Variants in ARHGAP23 observed in about 807,000 individuals in gnomAD.
The protein encoded by ARHGAP23 is rho GTPase-activating protein 23.
Under a neutral mutation model 136.3 loss-of-function variants are expected in ARHGAP23, and 34 were observed. That is an observed-to-expected ratio of 0.25 (90% CI 0.19 to 0.33). The LOEUF is 0.33. ARHGAP23 is among the 10% of genes least tolerant of loss of function. The pLI is 1.00. For missense variants in ARHGAP23, 1,808 were observed against 2,139.0 expected (o/e 0.85, Z 3.05); for synonymous variants, 832 against 920.5 (o/e 0.90, Z 1.74).
Position 38,467,054 on chromosome 17 carries a change from A to G in ARHGAP23, c.1371A>G (p.Ser457=). 1 of 1,550,880 alleles carries G rather than the reference A, an allele frequency of 6.4e-7. No homozygotes were observed. Among genetic ancestry groups the G allele is most frequent in the Non-Finnish European group, 8.7e-7 (1 of 1,146,950 alleles). ...PTFNLAQSPA[S]FPPEASEPPR... ...TCAACCTGGCCCAGTCCCCTGCGTC[A>G]TTCCCACCAGAGGCCTCCGAGCCAC... Residue 457 remains serine (S), a synonymous_variant, in exon 7 of 24, where the codon TCA becomes TCG. Transcript: ENST00000622683.
chr17:38,443,764 T>C (rs532218701), intron 1 of ARHGAP23, among the ~76,000 whole-genome samples: 2 of 152,250 alleles, frequency 1.3e-5, no homozygotes, highest in Admixed American at 1.3e-4. Context: ...CCCGGGAGAC[T>C]TTCGGAATCT....
chr17:38,507,387 C>T (rs2040658587), intron 23 of ARHGAP23, among the ~76,000 whole-genome samples: 1 of 152,056 alleles, frequency 6.6e-6, no homozygotes, highest in African/African-American at 2.4e-5. Context: ...TGACAGAGAC[C>T]TCCATCATAA....
intron 10 of ARHGAP23, among the ~76,000 whole-genome samples, chr17:38,470,577 C>G (rs2144667858): frequency 6.6e-6 from 1 of 152,356 alleles, no homozygotes; most frequent in East Asian, 1.9e-4. Flanking sequence ...CACTCCATTG[C>G]CCAGTCTGGA....
chr17:38,491,497 G>T lies in ARHGAP23; in HGVS notation c.3241G>T (p.Asp1081Tyr). ...NMTDMVTHMP[D>Y]RYKIVETLIQ... ...GACAGACATGGTGACCCACATGCCT[G>T]ACCGCTACAAGATCGTGGAGACACT... is the stretch of plus-strand genomic sequence containing the variant. The change falls in exon 20 of 24, where the codon GAC becomes TAC. Residue 1081 changes from aspartate (D) to tyrosine (Y), a missense_variant. Asp to Tyr is a radical substitution (Grantham distance 160). Transcript: ENST00000622683. The T allele has an allele frequency of 6.5e-7, 1 of 1,549,576 alleles. No homozygotes were observed. Among genetic ancestry groups the T allele is most frequent in the Non-Finnish European group, 8.7e-7 (1 of 1,146,818 alleles).
At chr17:38,424,838 C>A (rs1366161901), upstream of ARHGAP23, among the ~76,000 whole-genome samples, 1 of 152,168 alleles carries the variant, frequency 6.6e-6, no homozygotes, top group African/African-American at 2.4e-5. Flanking sequence ...ATTTCACAGG[C>A]CTTTGTGAGG....
chr17:38,511,046 G>T lies in ARHGAP23; in HGVS notation c.*74G>T, dbSNP rs2040755100. 1.5e-6 allele frequency: 2 copies of T among 1,343,958 alleles called. No individual in the cohort carries two copies. Among genetic ancestry groups the T allele is most frequent in the Non-Finnish European group, 9.6e-7 (1 of 1,045,232 alleles). The allele number at this position is 1,343,958 out of a possible 1,614,324, so 83.3% of individuals were successfully genotyped here. On this transcript the variant is annotated 3_prime_UTR_variant, in exon 24 of 24. Transcript: ENST00000622683. ...TGGAACCAGGAGGCTTCACCAGCCT[G>T]CACCTCCTCTTCTGTGGCCCCTGGG...
At chr17:38,489,481 C>G (rs372379600) in intron 17 of ARHGAP23, among the ~76,000 whole-genome samples, 1 of 151,730 alleles carries the variant, frequency 6.6e-6, no homozygotes, top group Admixed American at 6.6e-5. Context: ...CCGCTTCCCC[C>G]CTTTCTAGCC....
rs538668316 is a variant in ARHGAP23 at position 38,462,910 on chromosome 17, C to T, written c.318C>T (p.Asp106=). The T allele has an allele frequency of 6.4e-5, 99 of 1,537,252 alleles. No homozygotes were observed. The highest frequency in any genetic ancestry group is 2.5e-4 in the East Asian group (10 of 40,802). The change falls in exon 4 of 24, where the codon GAC becomes GAT. Residue 106 remains aspartate, a synonymous_variant. Coordinates refer to ENST00000622683, the MANE Select transcript of ARHGAP23 (RefSeq NM_001199417.2). ...TCTTTGTCAAGAATGTGAAGGAAGACGGCCCTGCCCATAGGGCGGGGCTTC... is the reference window on the plus strand; with the variant it reads ...TCTTTGTCAAGAATGTGAAGGAAGATGGCCCTGCCCATAGGGCGGGGCTTC... The part of the protein sequence containing the change: ...DTIFVKNVKE[D]GPAHRAGLRT...
intron 12 of ARHGAP23, among the ~76,000 whole-genome samples, chr17:38,478,104 C>T (rs930894919): frequency 1.6e-4 from 24 of 152,170 alleles, no homozygotes; most frequent in African/African-American, 5.3e-4. Context: ...TCCTCAGGTG[C>T]GGGGACCGGC....
At chr17:38,494,301 G>A (rs1297247585) in intron 20 of ARHGAP23, among the ~76,000 whole-genome samples, 2 of 152,206 alleles carry the variant, frequency 1.3e-5, no homozygotes, top group Non-Finnish European at 1.5e-5. Context: ...TAAAGCACTC[G>A]CGGCGGTGCC....
intron 3 of ARHGAP23, 72 bp from the exon 4 acceptor site, chr17:38,462,774 C>T: frequency 1.9e-6 from 2 of 1,067,268 alleles, no homozygotes; most frequent in South Asian, 1.8e-5. Flanking sequence ...GTGTGTGTCC[C>T]CTGTGTGTGT....
chr17:38,449,216 C>A (rs1278457279), intron 1 of ARHGAP23, among the ~76,000 whole-genome samples: 1 of 152,334 alleles, frequency 6.6e-6, no homozygotes, highest in African/African-American at 2.4e-5. Flanking sequence ...TCTCCCTTCC[C>A]AGGCTTCCGT....
chr17:38,446,669 C>T (rs1162803610), intron 1 of ARHGAP23, among the ~76,000 whole-genome samples: 4 of 148,530 alleles, frequency 2.7e-5, no homozygotes, highest in South Asian at 2.1e-4. Flanking sequence ...TGGAGTGCAA[C>T]GGCGCGCTCT....
chr17:38,442,805 G>A (rs899261745), intron 1 of ARHGAP23, among the ~76,000 whole-genome samples: 11 of 152,192 alleles, frequency 7.2e-5, no homozygotes, highest in African/African-American at 2.2e-4. Flanking sequence ...GGGGGCCAAG[G>A]CGCGTCCCAC....
intron 1 of ARHGAP23, among the ~76,000 whole-genome samples, chr17:38,422,745 G>A (rs1305714237): frequency 6.6e-6 from 1 of 152,194 alleles, no homozygotes; most frequent in Non-Finnish European, 1.5e-5. Flanking sequence ...CTGGCCATGG[G>A]TCTTCAGCCT....
At chr17:38,450,181 C>T (rs552026060) in intron 1 of ARHGAP23, among the ~76,000 whole-genome samples, 4 of 152,322 alleles carry the variant, frequency 2.6e-5, no homozygotes, top group African/African-American at 9.6e-5. Context: ...GAGTCTAGAA[C>T]TTGGGGATCC....
intron 1 of ARHGAP23, among the ~76,000 whole-genome samples, chr17:38,423,166 A>T (rs946727537): frequency 8.6e-5 from 13 of 151,412 alleles, no homozygotes; most frequent in Admixed American, 1.3e-4. Context: ...CACCCAACAC[A>T]GCAGTTTGCA....
intron 1 of ARHGAP23, among the ~76,000 whole-genome samples, chr17:38,447,738 C>T (rs2039068184): frequency 6.6e-6 from 1 of 152,216 alleles, no homozygotes; most frequent in Non-Finnish European, 1.5e-5. Flanking sequence ...TGCAGACAGG[C>T]CTAGAGACCA....
At chr17:38,504,531 T>C (rs1237120274) in intron 23 of ARHGAP23, among the ~76,000 whole-genome samples, 1 of 152,156 alleles carries the variant, frequency 6.6e-6, no homozygotes, top group Non-Finnish European at 1.5e-5. Flanking sequence ...CCAGCCTCTG[T>C]CTCTCTTGCC....
Sources: gnomAD v4.1 joint callset for allele counts (sites outside exome capture counted in the v4.1 genomes callset) on GRCh38, gnomAD v4.1.1 for gene constraint, MANE v1.5 for transcripts, NCBI Gene and HGNC (gene_info 2026-07-23, HGNC 2026-07-21) for gene names.